Variants in PTER observed in about 807,000 individuals in gnomAD.
PTER encodes N-acetyltaurine hydrolase.
PTER carries 38 observed loss-of-function variants against 29.6 expected under a neutral mutation model. That is an observed-to-expected ratio of 1.28 (90% CI 0.99 to 1.68). The LOEUF is 1.68. Among genes scored for constraint, PTER ranks in the 40% most tolerant of loss-of-function variants. The pLI is 0.00. For synonymous variants in PTER, 172 were observed against 154.5 expected (o/e 1.11, Z -0.84); for missense variants, 482 against 427.8 (o/e 1.13, Z -1.12).
At chr10:16,450,606 C>T (rs914689636) in intron 1 of PTER, among the ~76,000 whole-genome samples, 3 of 152,176 alleles carry the variant, frequency 2.0e-5, no homozygotes, top group Non-Finnish European at 2.9e-5. Context: ...CAGCCACTCA[C>T]ATGATAAAAG....
chr10:16,456,667 G>A (rs1834405224), intron 1 of PTER, among the ~76,000 whole-genome samples: 1 of 152,082 alleles, frequency 6.6e-6, no homozygotes, highest in Non-Finnish European at 1.5e-5. Context: ...TACCCGCAGG[G>A]GAGAAGAATT....
At chr10:16,465,565 C>G (rs147053388) in intron 1 of PTER, among the ~76,000 whole-genome samples, 16 of 152,192 alleles carry the variant, frequency 1.1e-4, no homozygotes, top group African/African-American at 3.4e-4. Context: ...ATAATGCCAA[C>G]GAAAACATAG....
intron 1 of PTER, among the ~76,000 whole-genome samples, chr10:16,477,472 C>T (rs1398255242): frequency 6.6e-6 from 1 of 152,100 alleles, no homozygotes; most frequent in African/African-American, 2.4e-5. Flanking sequence ...CTACTGTGCC[C>T]AGCCTAAAAT....
intron 1 of PTER, among the ~76,000 whole-genome samples, chr10:16,439,129 CAGGA>C (rs1316996466): frequency 7.1e-6 from 1 of 141,066 alleles, no homozygotes; most frequent in Non-Finnish European, 1.5e-5. Flanking sequence ...ACAAGGTAGT[CAGGA>C]AGGGTCTGTT....
intron 1 of PTER, among the ~76,000 whole-genome samples, chr10:16,446,160 C>T (rs573285694): frequency 6.6e-5 from 10 of 151,826 alleles, no homozygotes; most frequent in Non-Finnish European, 1.2e-4. Context: ...CTTGAATGTT[C>T]GGGGGTGGGG....
At position 16,513,345 on chromosome 10, in the gene PTER, A is replaced by G. The variant is rs188451145; in HGVS notation, c.*2089A>G. The G allele has an allele frequency of 5.6e-3, 856 of 152,612 alleles. 9 individuals are homozygous for G. Among genetic ancestry groups the G allele is most frequent in the African/African-American group, 0.02 (816 of 41,542 alleles). The allele number at this position is 152,612 out of a possible 1,614,324, so 9.5% of individuals were successfully genotyped here. ...TGTATATATGCATACACTTTTTTAT[A>G]TTAAAATTTTGAGGCTATACAGCCA... On this transcript the variant is annotated 3_prime_UTR_variant, in exon 5 of 5. Transcript: ENST00000535784.
chr10:16,481,442 C>T (rs760750695), intron 1 of PTER, among the ~76,000 whole-genome samples: 5 of 152,186 alleles, frequency 3.3e-5, no homozygotes, highest in African/African-American at 9.7e-5. Flanking sequence ...AGGGCTCCCT[C>T]CCTGCACAGG....
chr10:16,511,188 G>C lies in PTER; in HGVS notation c.982G>C (p.Gly328Arg), dbSNP rs1406156505. ...TNVVPKMLLRGITENVLDKIL... is the reference protein window; with the variant it reads ...TNVVPKMLLRRITENVLDKIL... Reference sequence around the variant, plus strand: ...TGTTGTTCCTAAAATGTTGCTGAGAGGCATAACTGAGAATGTGCTTGATAA... The same window carrying C: ...TGTTGTTCCTAAAATGTTGCTGAGACGCATAACTGAGAATGTGCTTGATAA... The change falls in exon 5 of 5, where the codon GGC becomes CGC. Residue 328 changes from glycine (G) to arginine (R), a missense_variant. Physicochemically the swap from Gly to Arg is moderately radical, Grantham distance 125 (BLOSUM62 -2). Coordinates refer to ENST00000535784, the MANE Select transcript of PTER (RefSeq NM_001261836.2). 6.2e-7 allele frequency: 1 copy of C among 1,614,136 alleles called. No homozygotes were observed. The highest frequency in any genetic ancestry group is 8.5e-7 in the Non-Finnish European group (1 of 1,179,984).
intron 1 of PTER, among the ~76,000 whole-genome samples, chr10:16,483,851 C>G (rs957075268): frequency 6.6e-6 from 1 of 150,486 alleles, no homozygotes; most frequent in Middle Eastern, 3.2e-3. Flanking sequence ...GACTCTCCCT[C>G]AAAAAGAAAA....
chr10:16,485,066 C>A (rs562169055), intron 2 of PTER, among the ~76,000 whole-genome samples: 1 of 152,270 alleles, frequency 6.6e-6, no homozygotes, highest in East Asian at 1.9e-4. Flanking sequence ...GATCTTAGTG[C>A]ACTGGTCATT....
At chr10:16,444,442 T>G (rs905645580) in intron 1 of PTER, among the ~76,000 whole-genome samples, 6 of 152,084 alleles carry the variant, frequency 3.9e-5, no homozygotes, top group African/African-American at 1.4e-4. Flanking sequence ...GCCTGGTTTT[T>G]TTTTTTTGGA....
intron 1 of PTER, among the ~76,000 whole-genome samples, chr10:16,469,725 T>C (rs7096891): frequency 0.19 from 28,405 of 151,766 alleles, 4,454 homozygotes; most frequent in African/African-American, 0.43. Flanking sequence ...CAGGTGCATG[T>C]CACCATGGCT....
chr10:16,479,348 G>C (rs1161641001), intron 1 of PTER, among the ~76,000 whole-genome samples: 1 of 152,198 alleles, frequency 6.6e-6, no homozygotes, highest in Non-Finnish European at 1.5e-5. Context: ...ATAGCTGAGA[G>C]AGTAGAAGCA....
rs1351166094 is a variant in PTER at position 16,501,355 on chromosome 10, ACACACACACACACATG to A, written c.699-3650_699-3635del. 2.3e-4 allele frequency among the ~76,000 whole-genome samples: 27 copies of A among 116,554 alleles called. No homozygotes were observed. In the South Asian group the frequency reaches 9.3e-3, roughly 40 times the overall value. 76.5% of individuals were successfully genotyped at this position (116,554 alleles called of 152,430 possible). A position where few individuals can be genotyped will look rare whatever the true frequency, so the allele number is the denominator to read the frequency against. ...CACACACACACACACACACACACAC[ACACACACACACACATG>A]CACACACACACACACACACCCCATA... On this transcript the variant is annotated intron_variant, in intron 3 of 4. Coordinates refer to ENST00000535784, the MANE Select transcript of PTER (RefSeq NM_001261836.2).
chr10:16,517,978 T>C (rs1163494423), downstream of PTER, among the ~76,000 whole-genome samples: 22 of 151,386 alleles, frequency 1.5e-4, no homozygotes. Flanking sequence ...GAAGCATTTC[T>C]CTCTCTTAGA....
At chr10:16,489,549 GT>G (rs34292141) in intron 3 of PTER, among the ~76,000 whole-genome samples, 81,688 of 146,112 alleles carry the variant, frequency 0.56, 23,362 homozygotes, top group East Asian at 0.83. Flanking sequence ...CTTACCCCTG[GT>G]TTTTTTTTTT....
At chr10:16,445,597 G>C in intron 1 of PTER, among the ~76,000 whole-genome samples, 1 of 152,058 alleles carries the variant, frequency 6.6e-6, no homozygotes, top group East Asian at 1.9e-4. Context: ...AGGCTCTCAG[G>C]CTGCAGTGTC....
At chr10:16,470,019 A>G (rs908867848) in intron 1 of PTER, among the ~76,000 whole-genome samples, 5 of 152,170 alleles carry the variant, frequency 3.3e-5, no homozygotes, top group African/African-American at 9.7e-5. Flanking sequence ...TAATTTTACA[A>G]TAAGGTTGCT....
At chr10:16,475,098 A>C (rs1237386446) in intron 1 of PTER, among the ~76,000 whole-genome samples, 1 of 152,124 alleles carries the variant, frequency 6.6e-6, no homozygotes, top group Non-Finnish European at 1.5e-5. Flanking sequence ...CTTTACCTTC[A>C]TCAGTTGATC....
Sources: allele counts gnomAD v4.1 joint callset (sites outside exome capture counted in the v4.1 genomes callset), GRCh38; gene constraint gnomAD v4.1.1; transcripts MANE v1.5; gene names NCBI Gene and HGNC (gene_info 2026-07-23, HGNC 2026-07-21).